The following KLF7 variants were observed in gnomAD, a reference collection of about 807,000 sequenced individuals.
KLF7 encodes the protein Krueppel-like factor 7.
In KLF7, 2 loss-of-function variants were observed where a neutral mutation model predicts 27.3. That is an observed-to-expected ratio of 0.07 (90% CI 0.03 to 0.23). KLF7 has a LOEUF of 0.23. KLF7 is among the 10% of genes least tolerant of loss of function. KLF7 has a pLI of 1.00. For missense variants in KLF7, 221 were observed against 394.1 expected, an observed-to-expected ratio of 0.56 and a Z score of 3.72; for synonymous variants, 165 against 162.4, an observed-to-expected ratio of 1.02 and a Z score of -0.12.
rs1297738567 is a variant in KLF7 at position 207,079,724 on chromosome 2, A to C, written c.*1489T>G. The C allele has an allele frequency of 1.3e-5, 2 of 149,802 alleles. No individual in the cohort carries two copies. The highest frequency in any genetic ancestry group is 3.0e-5 in the Non-Finnish European group (2 of 67,468). 9.3% of individuals were successfully genotyped at this position (149,802 alleles called of 1,614,324 possible). ...GGCCTCTGTTAATCCTGGGGGTTCT[A>C]GGTCACAAGTCATGGTGGGCCTAGC... On this transcript the variant is annotated 3_prime_UTR_variant, in exon 4 of 4. Transcript: ENST00000309446.
intron 3 of KLF7, among the ~76,000 whole-genome samples, chr2:207,083,602 G>A (rs1266704864): frequency 2.0e-5 from 3 of 152,164 alleles, no homozygotes. Context: ...AATTTAAGGA[G>A]CTTCTGGTAG....
intron 1 of KLF7, among the ~76,000 whole-genome samples, chr2:207,132,388 A>G (rs921209386): frequency 1.3e-5 from 2 of 152,250 alleles, no homozygotes; most frequent in Non-Finnish European, 2.9e-5. Flanking sequence ...TTGAGAGACA[A>G]TGCTGTGAAA....
chr2:207,136,681 T>C (rs1183097379), intron 1 of KLF7, among the ~76,000 whole-genome samples: 5 of 152,194 alleles, frequency 3.3e-5, no homozygotes, highest in Non-Finnish European at 5.9e-5. Context: ...GGATTTAGTG[T>C]ATGTACCAGT....
chr2:207,146,827 C>G lies in KLF7; in HGVS notation c.102+18640G>C, dbSNP rs1263668. Among the ~76,000 whole-genome samples the G allele has an allele frequency of 5.6e-3, 846 of 152,300 alleles. 7 individuals are homozygous for G. Among genetic ancestry groups the G allele is most frequent in the African/African-American group, 0.019 (792 of 41,544 alleles). ...TGGAGGGCTTTACTCTGCCCTCTTC[C>G]ATGGGGGAAGCAGCTTGGGGCCAGA... On this transcript the variant is annotated intron_variant, in intron 1 of 3. Coordinates refer to ENST00000309446, the MANE Select transcript of KLF7 (RefSeq NM_003709.4).
chr2:207,130,669 T>C (rs530590327), intron 1 of KLF7, among the ~76,000 whole-genome samples: 11 of 152,290 alleles, frequency 7.2e-5, no homozygotes, highest in African/African-American at 1.2e-4. Flanking sequence ...GCCTCTTCAA[T>C]ACCATCACTT....
chr2:207,173,504 C>A, the KLF7 span: 2 of 151,880 alleles, frequency 1.3e-5, no homozygotes, highest in African/African-American at 2.4e-5. Context: ...ACATGATATA[C>A]TTTAAAAAAT....
In KLF7 at chr2:207,076,423, T is replaced by G. The variant is rs1574399022; in HGVS notation, c.*4790A>C. 2 of 152,188 alleles carry G rather than the reference T, an allele frequency of 1.3e-5. No homozygotes were observed. Among genetic ancestry groups the G allele is most frequent in the African/African-American group, 4.8e-5 (2 of 41,456 alleles). 9.4% of individuals were successfully genotyped at this position (152,188 alleles called of 1,614,324 possible). A position where few individuals can be genotyped will look rare whatever the true frequency, so the allele number is the denominator to read the frequency against. On this transcript the variant is annotated 3_prime_UTR_variant, in exon 4 of 4. Transcript: ENST00000309446. ...GACACCTGTTTCCCGAGGACTTTTA[T>G]GTTAAATGCAAAACACCTGAAAAAT... is the stretch of plus-strand genomic sequence containing the variant.
At chr2:207,166,364 G>T, upstream of KLF7, 1 of 192,640 alleles carries the variant, frequency 5.2e-6, no homozygotes, top group Non-Finnish European at 9.5e-6. Flanking sequence ...ATATAAGGGG[G>T]CTGAGGCGGC....
At chr2:207,129,706 A>G (rs1201336958) in intron 1 of KLF7, among the ~76,000 whole-genome samples, 1 of 151,168 alleles carries the variant, frequency 6.6e-6, no homozygotes, top group East Asian at 1.9e-4. Context: ...TACATCTATG[A>G]TAATTTTCCT....
chr2:207,167,118 G>A, upstream of KLF7: 3 of 1,431,410 alleles, frequency 2.1e-6, no homozygotes, highest in African/African-American at 1.5e-5. Context: ...TTGCGAGGGG[G>A]CCTTTACGTG....
chr2:207,168,516 G>A (rs2078761159), upstream of KLF7, among the ~76,000 whole-genome samples: 1 of 152,130 alleles, frequency 6.6e-6, no homozygotes. Context: ...GTTCTGTACT[G>A]AGCTTTGTAT....
Position 207,165,470 on chromosome 2 carries a change from C to T in KLF7, c.99G>A (p.Gln33=), listed in dbSNP as rs1194218283. 1 of 1,614,088 alleles carries T rather than the reference C, an allele frequency of 6.2e-7. No individual in the cohort carries two copies. Among genetic ancestry groups the T allele is most frequent in the African/African-American group, 1.3e-5 (1 of 74,936 alleles). ...ACAAGTAATTTAAATCATTCACCTG[C>T]TGCCAGGTCTCCTCCAGGGATGGTA... ...SALPSLEETW[Q]QTCLELERYL... is the part of the protein sequence containing the mutation. The change falls in exon 1 of 4, where the codon CAG becomes CAA. Residue 33 remains glutamine (Q), a synonymous_variant. Coordinates refer to ENST00000309446, the MANE Select transcript of KLF7 (RefSeq NM_003709.4).
At chr2:207,158,878 T>G (rs2078462406) in intron 1 of KLF7, among the ~76,000 whole-genome samples, 1 of 152,190 alleles carries the variant, frequency 6.6e-6, no homozygotes, top group South Asian at 2.1e-4. Context: ...TCAAGGTATA[T>G]TCAGGTGACA....
chr2:207,116,853 T>C (rs1418283998), intron 2 of KLF7, among the ~76,000 whole-genome samples: 1 of 152,184 alleles, frequency 6.6e-6, no homozygotes, highest in Non-Finnish European at 1.5e-5. Flanking sequence ...TCCTCTTTTC[T>C]CTTCTCCTTC....
chr2:207,127,779 G>A (rs907238580), intron 1 of KLF7, among the ~76,000 whole-genome samples: 4 of 152,004 alleles, frequency 2.6e-5, no homozygotes, highest in African/African-American at 9.7e-5. Flanking sequence ...GGAGGTGGAG[G>A]TTGCAGTGAG....
chr2:207,134,330 G>A (rs2077724083), intron 1 of KLF7, among the ~76,000 whole-genome samples: 1 of 151,670 alleles, frequency 6.6e-6, no homozygotes, highest in Admixed American at 6.6e-5. Flanking sequence ...CGTGTACAAC[G>A]TTCTCTCTCT....
In KLF7 at chr2:207,148,939, T is replaced by A. The variant is rs529377628; in HGVS notation, c.102+16528A>T. On this transcript the variant is annotated intron_variant, in intron 1 of 3. Coordinates refer to ENST00000309446, the MANE Select transcript of KLF7 (RefSeq NM_003709.4). ...CACCCTCACCTGATTCCCCATTCTC[T>A]AAATTCTTGGTGCCCTTAATATATG... is the stretch of plus-strand genomic sequence containing the variant. 8 of 904,356 alleles carry A rather than the reference T, an allele frequency of 8.8e-6. No homozygotes were observed. In the African/African-American group the frequency reaches 1.3e-4, roughly 14 times the overall value. 56.0% of individuals were successfully genotyped at this position (904,356 alleles called of 1,614,324 possible). A position where few individuals can be genotyped will look rare whatever the true frequency, so the allele number is the denominator to read the frequency against.
intron 2 of KLF7, among the ~76,000 whole-genome samples, chr2:207,095,031 C>CTTTGTTTTTTTTTT (rs2076593767): frequency 1.2e-5 from 1 of 82,418 alleles, no homozygotes; most frequent in Non-Finnish European, 2.2e-5. Flanking sequence ...TGTTTTTATT[C>CTTTGTTTTTTTTTT]TTTTTTTTTT....
At chr2:207,115,939 G>C (rs1322244847) in intron 2 of KLF7, among the ~76,000 whole-genome samples, 1 of 152,234 alleles carries the variant, frequency 6.6e-6, no homozygotes, top group Non-Finnish European at 1.5e-5. Flanking sequence ...GTGAAGGATA[G>C]AGGAAAGCTG....
Sources: gnomAD v4.1 joint callset for allele counts (sites outside exome capture counted in the v4.1 genomes callset) on GRCh38, gnomAD v4.1.1 for gene constraint, MANE v1.5 for transcripts, NCBI Gene and HGNC (gene_info 2026-07-23, HGNC 2026-07-21) for gene names.